Variants in TAF6 observed in about 807,000 individuals in gnomAD.
TAF6 encodes the protein TATA-box binding protein associated factor 6, also known as transcription initiation factor TFIID subunit 6.
TAF6 carries 50 observed loss-of-function variants against 73.5 expected under a neutral mutation model. The observed-to-expected ratio is 0.68, with a 90% confidence interval of 0.54 to 0.86. TAF6 has a LOEUF of 0.86. Among genes scored for constraint, TAF6 ranks in the 40% least tolerant of loss-of-function variants. The probability of loss-of-function intolerance (pLI) is 0.00; values close to 1 mark genes in which losing one functional copy is unlikely to be tolerated. For synonymous variants in TAF6, 424 were observed against 376.7 expected (o/e 1.13, Z -1.45); for missense variants, 768 against 899.5 (o/e 0.85, Z 1.87).
Position 100,111,925 on chromosome 7 carries a change from C to T in TAF6, c.795G>A (p.Glu265=). Residue 265 remains glutamate, a synonymous_variant, in exon 8 of 15, where the codon GAG becomes GAA. Transcript: ENST00000453269. ...MLPRFSTFIS[E]GVRVNVVQNN... The stretch of plus-strand genomic sequence containing the variant: ...CTGTGGAACCTCATGCTCTCACCCC[C>T]TCCGAGATAAAGGTACTGAACCGTG... 1 of 1,614,184 alleles carries T rather than the reference C, an allele frequency of 6.2e-7. No individual in the cohort carries two copies. The highest frequency in any genetic ancestry group is 8.5e-7 in the Non-Finnish European group (1 of 1,180,026).
chr7:100,109,468 T>C (rs1796954928), intron 12 of TAF6, among the ~76,000 whole-genome samples: 1 of 152,092 alleles, frequency 6.6e-6, no homozygotes, highest in Non-Finnish European at 1.5e-5. Context: ...TGGGGAAGGA[T>C]GGTCCAAATG....
intron 12 of TAF6, among the ~76,000 whole-genome samples, chr7:100,109,333 AAAAAG>A (rs1009889441): frequency 1.2e-4 from 19 of 152,060 alleles, no homozygotes; most frequent in East Asian, 3.9e-4. Flanking sequence ...TCAAAAAAAA[AAAAAG>A]AAAAGAAAAA....
intron 1 of TAF6, chr7:100,118,860 C>T: frequency 2.0e-6 from 2 of 985,346 alleles, no homozygotes; most frequent in South Asian, 4.7e-5. Context: ...CTATAGGGAA[C>T]ACAACTATTC....
rs200158075 is a variant in TAF6, at chr7:100,111,253, C to T, written c.969G>A (p.Val323=). Residue 323 remains valine, a synonymous_variant, in exon 10 of 15, where the codon GTG becomes GTA. Coordinates refer to ENST00000453269, the MANE Select transcript of TAF6 (RefSeq NM_139315.3). ...AGTCTCGGAGTGCCCAGTGATTGTC[C>T]ACATCTGGTCGCAGGCACAACTGTC... is the stretch of plus-strand genomic sequence containing the variant. The part of the protein sequence containing the change: ...VSRQLCLRPD[V]DNHWALRDFA... The T allele has an allele frequency of 1.1e-5, 17 of 1,614,208 alleles. No homozygotes were observed. The African/African-American group carries it at 1.2e-4, about 11-fold the overall frequency.
In TAF6 at chr7:100,114,246, C is replaced by G. The variant is rs755941847; in HGVS notation, c.-37G>C. 1.2e-6 allele frequency: 2 copies of G among 1,600,952 alleles called. No homozygotes were observed. Among genetic ancestry groups the G allele is most frequent in the South Asian group, 2.2e-5 (2 of 91,068 alleles). On this transcript the variant is annotated 5_prime_UTR_variant, in exon 2 of 15. Coordinates refer to ENST00000453269, the MANE Select transcript of TAF6 (RefSeq NM_139315.3). ...TCTTCTCCTCCCTGGAAGGATGAAG[C>G]CCCCGGTGGAGAGACGGAGACCCTG...
intron 1 of TAF6, chr7:100,114,627 C>T (rs927216838): frequency 3.2e-5 from 14 of 431,718 alleles, no homozygotes; most frequent in East Asian, 8.0e-5. Flanking sequence ...GACTAAGGCA[C>T]GAGAATCACT....
upstream of TAF6, among the ~76,000 whole-genome samples, chr7:100,121,875 C>T (rs1252171829): frequency 7.4e-6 from 1 of 135,772 alleles, no homozygotes; most frequent in African/African-American, 2.7e-5. Context: ...ACGGTGAAAC[C>T]CTGTCTCTAC....
chr7:100,109,125 C>T (rs1292244412), intron 12 of TAF6: 1 of 149,336 alleles, frequency 6.7e-6, no homozygotes, highest in African/African-American at 2.5e-5. Context: ...GAGCTCAAGA[C>T]CAGCCTGGCC....
upstream of TAF6, chr7:100,124,346 G>A: frequency 1.7e-6 from 1 of 587,680 alleles, no homozygotes; most frequent in South Asian, 2.2e-5. Flanking sequence ...CAGAATAGGT[G>A]CTGGTAAATG....
chr7:100,109,988 A>T lies in TAF6; in HGVS notation c.1244T>A (p.Ile415Asn). 6.2e-7 allele frequency: 1 copy of T among 1,614,186 alleles called. No homozygotes were observed. The highest frequency in any genetic ancestry group is 8.5e-7 in the Non-Finnish European group (1 of 1,180,030). Residue 415 changes from isoleucine (I) to asparagine (N), a missense_variant, in exon 12 of 15, where the codon ATT becomes AAT. Physicochemically the swap from Ile to Asn is moderately radical, Grantham distance 149. This residue lies in a region of TAF6 where 350 missense variants were observed against 352.3 expected (regional missense o/e 0.99). Transcript: ENST00000453269. ...CACATGGTCTGCTCCAATCCGGTCA[A>T]TGTTGCTCAGCACAGGGCCGTCCAG... is the stretch of plus-strand genomic sequence containing the variant. ...SVLDGPVLSN[I>N]DRIGADHVQS...
At position 100,114,126 on chromosome 7, in the gene TAF6, G is replaced by A. The variant is rs957139683; in HGVS notation, c.84C>T (p.Ile28=). The part of the protein sequence containing the change: ...SMKVVAESMG[I]AQIQEETCQL... The stretch of plus-strand genomic sequence containing the variant: ...GGCAGGTCTCCTCCTGAATCTGGGC[G>A]ATGCCCATGGATTCAGCCACCACCT... Residue 28 remains isoleucine (I), a synonymous_variant, in exon 2 of 15, where the codon ATC becomes ATT. Transcript: ENST00000453269. The A allele has an allele frequency of 1.9e-5, 31 of 1,614,090 alleles. No homozygotes were observed. The highest frequency in any genetic ancestry group is 3.3e-5 in the Admixed American group (2 of 59,996).
At chr7:100,124,444 G>T, upstream of TAF6, 1 of 1,241,148 alleles carries the variant, frequency 8.1e-7, no homozygotes, top group South Asian at 1.2e-5. Flanking sequence ...AGGTTGAGCA[G>T]GGAGAGAAGA....
Position 100,108,444 on chromosome 7 carries a change from A to G in TAF6, c.1381T>C (p.Ser461Pro), listed in dbSNP as rs1796796945. ...TGGGCCCGAGCCTTGACCACCTGGG[A>G]GCAGAGGAGGGGCCCAAGGGACCCG... ...EFGSLGPLLC[S>P]QVVKARAQAA... The change falls in exon 13 of 15, where the codon TCC becomes CCC. Residue 461 changes from serine (S) to proline (P), a missense_variant. Transcript: ENST00000453269. The G allele has an allele frequency of 6.2e-7, 1 of 1,613,774 alleles. No homozygotes were observed. The highest frequency in any genetic ancestry group is 8.5e-7 in the Non-Finnish European group (1 of 1,179,912).
In TAF6 at chr7:100,119,300, A is replaced by C; in HGVS notation, c.-156T>G. 9.8e-7 allele frequency: 1 copy of C among 1,024,188 alleles called. No individual in the cohort carries two copies. The highest frequency in any genetic ancestry group is 1.7e-5 in the African/African-American group (1 of 57,522). 63.4% of individuals were successfully genotyped at this position (1,024,188 alleles called of 1,614,324 possible). A position where few individuals can be genotyped will look rare whatever the true frequency, so the allele number is the denominator to read the frequency against. On this transcript the variant is annotated 5_prime_UTR_variant, in exon 1 of 15. Coordinates refer to ENST00000453269, the MANE Select transcript of TAF6 (RefSeq NM_139315.3). ...CCACCCGAGCGCGGGGAGCAGGAAA[A>C]CTCTAGCGGCAGCCGAGACGCTGCT...
rs1163988860 is a variant in TAF6 at position 100,111,961 on chromosome 7, A to G, written c.759T>C (p.Tyr253=). The G allele has an allele frequency of 6.2e-7, 1 of 1,613,712 alleles. No homozygotes were observed. The highest frequency in any genetic ancestry group is 1.1e-5 in the South Asian group (1 of 91,052). ...AGGTACTGAACCGTGGCAGCATCTG[A>G]TACAGTCCAGGGTCCGTGGCAATGC... ...LQSIATDPGL[Y]QMLPRFSTFI... Residue 253 remains tyrosine, a synonymous_variant, in exon 8 of 15, where the codon TAT becomes TAC. Coordinates refer to ENST00000453269, the MANE Select transcript of TAF6 (RefSeq NM_139315.3).
chr7:100,119,977 G>A, upstream of TAF6: 1 of 907,750 alleles, frequency 1.1e-6, no homozygotes, highest in Middle Eastern at 3.5e-4. Context: ...GCTTGAGGGA[G>A]GTTCTGGTGG....
upstream of TAF6, among the ~76,000 whole-genome samples, chr7:100,123,442 A>G (rs778210585): frequency 1.9e-4 from 29 of 152,068 alleles, no homozygotes; most frequent in Non-Finnish European, 4.0e-4. Context: ...TCTGAGGGAG[A>G]AGGACTGTTT....
chr7:100,114,072 G>A lies in TAF6; in HGVS notation c.138C>T (p.Arg46=), dbSNP rs2116819170. The change falls in exon 2 of 15, where the codon CGC becomes CGT. Residue 46 remains arginine (R), a synonymous_variant. Coordinates refer to ENST00000453269, the MANE Select transcript of TAF6 (RefSeq NM_139315.3). ...CQLLTDEVSY[R]IKEIAQDALK... ...GGGTCACCTGTGCGATCTCTTTGAT[G>A]CGGTAGCTGACCTCATCCGTTAGCA... is the stretch of plus-strand genomic sequence containing the variant. The A allele has an allele frequency of 6.2e-7, 1 of 1,614,192 alleles. No homozygotes were observed. The highest frequency in any genetic ancestry group is 8.5e-7 in the Non-Finnish European group (1 of 1,180,028).
At chr7:100,113,136 T>C (rs1257632649) in intron 5 of TAF6, among the ~76,000 whole-genome samples, 2 of 151,758 alleles carry the variant, frequency 1.3e-5, no homozygotes, top group Non-Finnish European at 2.9e-5. Flanking sequence ...CGTGGTGGTG[T>C]GTGCTTGTAG....
Sources: gnomAD v4.1 joint callset for allele counts (sites outside exome capture counted in the v4.1 genomes callset) on GRCh38, gnomAD v4.1.1 for gene constraint, gnomAD v4.1.1 regional missense constraint, MANE v1.5 for transcripts, NCBI Gene and HGNC (gene_info 2026-07-23, HGNC 2026-07-21) for gene names.